Variants in ADGRA3 observed in about 807,000 individuals in gnomAD.
The protein encoded by ADGRA3 is adhesion G protein-coupled receptor A3.
A neutral mutation model predicts 119.8 loss-of-function variants in ADGRA3; 56 were observed. That is an observed-to-expected ratio of 0.47 (90% CI 0.38 to 0.58). The LOEUF (loss-of-function observed/expected upper bound fraction) is 0.58, where lower values mean the gene tolerates loss of function less well. Among genes scored for constraint, ADGRA3 ranks in the 20% least tolerant of loss-of-function variants. The pLI is 0.00. For missense variants in ADGRA3, 1,516 were observed against 1,649.0 expected, an observed-to-expected ratio of 0.92 and a Z score of 1.40; for synonymous variants, 607 against 623.8, an observed-to-expected ratio of 0.97 and a Z score of 0.40.
intron 10 of ADGRA3, among the ~76,000 whole-genome samples, chr4:22,424,848 G>C (rs757076208): frequency 6.6e-6 from 1 of 152,162 alleles, no homozygotes; most frequent in Non-Finnish European, 1.5e-5. Context: ...GAGGTGGGTG[G>C]ATCATTTGAG....
intron 14 of ADGRA3, among the ~76,000 whole-genome samples, chr4:22,410,994 A>T (rs1425688560): frequency 1.3e-5 from 2 of 152,250 alleles, no homozygotes; most frequent in Admixed American, 6.5e-5. Context: ...CTTCCAGAAA[A>T]GGATTATACT....
chr4:22,460,280 A>C (rs1314870519), intron 3 of ADGRA3, among the ~76,000 whole-genome samples: 3 of 152,212 alleles, frequency 2.0e-5, no homozygotes, highest in Admixed American at 2.0e-4. Context: ...TGCCACCCAA[A>C]ACATGTCATG....
chr4:22,420,995 T>A lies in ADGRA3; in HGVS notation c.1700A>T (p.Asp567Val), dbSNP rs762150194. The A allele has an allele frequency of 1.4e-5, 22 of 1,613,922 alleles. No homozygotes were observed. The highest frequency in any genetic ancestry group is 1.8e-5 in the Non-Finnish European group (21 of 1,179,986). ...CCCATAATCCGAAAGTCCTGTACGA[T>A]CAGAGGCTGCCACTTTCTGGAACAC... ...CTVFQKVAASDRTGLSDYGRR... is the reference protein window; with the variant it reads ...CTVFQKVAASVRTGLSDYGRR... The change falls in exon 12 of 19, where the codon GAT becomes GTT. Residue 567 changes from aspartate to valine, a missense_variant. Around this residue, in one of 2 missense-constraint regions of ADGRA3, gnomAD observed 1,088 missense variants for 1,107.1 expected, o/e 0.98. Coordinates refer to ENST00000334304, the MANE Select transcript of ADGRA3 (RefSeq NM_145290.4).
At chr4:22,405,033 T>C (rs1218369654) in intron 14 of ADGRA3, among the ~76,000 whole-genome samples, 1 of 152,166 alleles carries the variant, frequency 6.6e-6, no homozygotes, top group Non-Finnish European at 1.5e-5. Flanking sequence ...GCTATAAGAC[T>C]TGAGGCAGTT....
intron 2 of ADGRA3, 83 bp from the exon 3 acceptor site, chr4:22,461,891 A>G: frequency 1.2e-6 from 1 of 830,274 alleles, no homozygotes; most frequent in Non-Finnish European, 1.9e-6. Context: ...GCTATACAAA[A>G]AAAACAAAAG....
chr4:22,465,075 C>G (rs1421498254), intron 2 of ADGRA3, among the ~76,000 whole-genome samples: 1 of 152,114 alleles, frequency 6.6e-6, no homozygotes, highest in African/African-American at 2.4e-5. Flanking sequence ...AGACCAGAAG[C>G]CATTCAAAAA....
At chr4:22,506,181 A>G (rs1719233553) in intron 1 of ADGRA3, among the ~76,000 whole-genome samples, 1 of 152,140 alleles carries the variant, frequency 6.6e-6, no homozygotes, top group African/African-American at 2.4e-5. Context: ...TTTTCTATCA[A>G]TCTCTTAAAC....
chr4:22,476,275 C>T (rs919355637), intron 1 of ADGRA3, among the ~76,000 whole-genome samples: 25 of 152,098 alleles, frequency 1.6e-4, no homozygotes, highest in African/African-American at 6.0e-4. Flanking sequence ...GCCTATGACC[C>T]TAGCTATCCC....
chr4:22,499,655 T>A (rs1718981823), intron 1 of ADGRA3, among the ~76,000 whole-genome samples: 1 of 152,186 alleles, frequency 6.6e-6, no homozygotes, highest in Non-Finnish European at 1.5e-5. Flanking sequence ...CTGTTTGAGA[T>A]AGGGTCATTT....
chr4:22,501,765 G>T (rs373632263), intron 1 of ADGRA3, among the ~76,000 whole-genome samples: 4 of 138,346 alleles, frequency 2.9e-5, no homozygotes, highest in African/African-American at 1.0e-4. Context: ...ACAAAAAAAT[G>T]GGAAAAGATG....
intron 1 of ADGRA3, among the ~76,000 whole-genome samples, chr4:22,485,966 C>A (rs563244028): frequency 6.6e-6 from 1 of 152,174 alleles, no homozygotes; most frequent in East Asian, 1.9e-4. Context: ...GTTGCCACCC[C>A]CTATGGTTTC....
chr4:22,442,745 C>T lies in ADGRA3; in HGVS notation c.825G>A (p.Val275=). The change falls in exon 7 of 19, where the codon GTG becomes GTA. Residue 275 remains valine, a synonymous_variant. Transcript: ENST00000334304. ...CTATTCTCCCATCCTGATACCACAACACTTGCATGTCCTGATCAATATATG... is the reference window on the plus strand; with the variant it reads ...CTATTCTCCCATCCTGATACCACAATACTTGCATGTCCTGATCAATATATG... ...MASYIDQDMQ[V]LWYQDGRIVE... is the part of the protein sequence containing the mutation. 3 of 1,612,270 alleles carry T rather than the reference C, an allele frequency of 1.9e-6. No individual in the cohort carries two copies. The highest frequency in any genetic ancestry group is 1.3e-5 in the African/African-American group (1 of 74,960).
rs1272144030 is a variant in ADGRA3, at chr4:22,413,257, C to T, written c.2157G>A (p.Gly719=). 1 of 1,614,064 alleles carries T rather than the reference C, an allele frequency of 6.2e-7. No individual in the cohort carries two copies. Among genetic ancestry groups the T allele is most frequent in the Admixed American group, 1.7e-5 (1 of 60,014 alleles). ...TTTCATCTGAATAGAGTATATGGCA[C>T]CCATCTGACTTCCAGCCTCCTTGTC... ...LNGQGGWKSD[G]CHILYSDENI... is the part of the protein sequence containing the mutation. The change falls in exon 14 of 19, where the codon GGG becomes GGA. Residue 719 remains glycine, a synonymous_variant. Coordinates refer to ENST00000334304, the MANE Select transcript of ADGRA3 (RefSeq NM_145290.4).
intron 5 of ADGRA3, 40 bp downstream of exon 5, chr4:22,447,400 A>C: frequency 8.3e-7 from 1 of 1,207,902 alleles, no homozygotes; most frequent in Non-Finnish European, 1.2e-6. Flanking sequence ...AAAAGACATG[A>C]AAATCAAAAA....
intron 2 of ADGRA3, among the ~76,000 whole-genome samples, chr4:22,470,931 C>T (rs528113763): frequency 6.6e-6 from 1 of 152,296 alleles, no homozygotes; most frequent in Non-Finnish European, 1.5e-5. Flanking sequence ...ACAGGTGAGG[C>T]AGGCAGGGTA....
chr4:22,473,471 A>G (rs868831597), intron 2 of ADGRA3, among the ~76,000 whole-genome samples: 7 of 152,190 alleles, frequency 4.6e-5, no homozygotes, highest in South Asian at 4.1e-4. Context: ...ATCATTCCTA[A>G]GTATTGTCTT....
intron 17 of ADGRA3, among the ~76,000 whole-genome samples, chr4:22,390,801 G>A (rs1356056639): frequency 6.6e-6 from 1 of 152,098 alleles, no homozygotes; most frequent in Non-Finnish European, 1.5e-5. Context: ...TGAAGCACCA[G>A]CTGCCTTTTC....
At chr4:22,494,977 C>T (rs6846179) in intron 1 of ADGRA3, among the ~76,000 whole-genome samples, 2,547 of 151,830 alleles carry the variant, frequency 0.017, 94 homozygotes, top group African/African-American at 0.057. Flanking sequence ...TAAAGTTTAA[C>T]GTATAAATCA....
At chr4:22,486,932 G>T (rs1718450381) in intron 1 of ADGRA3, among the ~76,000 whole-genome samples, 1 of 152,110 alleles carries the variant, frequency 6.6e-6, no homozygotes, top group Non-Finnish European at 1.5e-5. Flanking sequence ...CTTAAAGCAG[G>T]CCCTATGACT....
Sources: gnomAD v4.1 joint callset for allele counts (sites outside exome capture counted in the v4.1 genomes callset) on GRCh38, gnomAD v4.1.1 for gene constraint, gnomAD v4.1.1 regional missense constraint, MANE v1.5 for transcripts, NCBI Gene and HGNC (gene_info 2026-07-23, HGNC 2026-07-21) for gene names.